The following DPYSL3 variants were observed in gnomAD, a reference collection of about 807,000 sequenced individuals.
DPYSL3 encodes dihydropyrimidinase-related protein 3.
A neutral mutation model predicts 66.1 loss-of-function variants in DPYSL3; 16 were observed. The ratio of observed to expected loss-of-function variants is 0.24; its 90% confidence interval spans 0.16 to 0.37. The LOEUF (loss-of-function observed/expected upper bound fraction) is 0.37, where lower values mean the gene tolerates loss of function less well. Among genes scored for constraint, DPYSL3 ranks in the 10% least tolerant of loss-of-function variants. DPYSL3 has a pLI of 1.00. For synonymous variants in DPYSL3, 338 were observed against 345.1 expected (o/e 0.98, Z 0.23); for missense variants, 738 against 916.2 (o/e 0.81, Z 2.51).
chr5:147,440,591 G>A (rs1299860184), intron 1 of DPYSL3, among the ~76,000 whole-genome samples: 2 of 152,156 alleles, frequency 1.3e-5, no homozygotes, highest in Admixed American at 1.3e-4. Context: ...ATGTGTAGCT[G>A]TTCATTTAGA....
intron 1 of DPYSL3, among the ~76,000 whole-genome samples, chr5:147,431,446 T>C (rs959905200): frequency 6.6e-6 from 1 of 152,126 alleles, no homozygotes; most frequent in African/African-American, 2.4e-5. Flanking sequence ...GGGACAATGA[T>C]ACCTTTTTCT....
intron 1 of DPYSL3, among the ~76,000 whole-genome samples, chr5:147,462,893 A>G (rs2062018110): frequency 1.3e-5 from 2 of 152,100 alleles, no homozygotes; most frequent in Admixed American, 6.5e-5. Flanking sequence ...ATTACACACT[A>G]TCTGAAAAAG....
chr5:147,498,288 A>C (rs1307370818), intron 1 of DPYSL3, among the ~76,000 whole-genome samples: 2 of 152,128 alleles, frequency 1.3e-5, no homozygotes, highest in African/African-American at 4.8e-5. Flanking sequence ...TTATGGCTGC[A>C]TAGTATTCCA....
chr5:147,488,653 C>T (rs1753371251), intron 1 of DPYSL3, among the ~76,000 whole-genome samples: 1 of 152,038 alleles, frequency 6.6e-6, no homozygotes, highest in Non-Finnish European at 1.5e-5. Context: ...GAAGTTGAGG[C>T]TGCAATGAGT....
rs767026872 is a variant in DPYSL3 at position 147,401,542 on chromosome 5, G to A, written c.1308C>T (p.Ala436=). 26 of 1,611,424 alleles carry A rather than the reference G, an allele frequency of 1.6e-5. No homozygotes were observed. Among genetic ancestry groups the A allele is most frequent in the African/African-American group, 8.0e-5 (6 of 74,834 alleles). Residue 436 remains alanine, a splice_region_variant and synonymous_variant, in exon 9 of 14, where the codon GCC becomes GCT. Transcript: ENST00000343218. ...CTGCTGGGCATTCCTGCACCAACCT[G>A]GCCAGCAAGGAGTTGATGTAGTCCG... ...TTPDYINSLL[A]SGDLQLSGSA... is the part of the protein sequence containing the mutation.
rs556545947 is a variant in DPYSL3 at position 147,399,259 on chromosome 5, A to C, written c.1453-7T>G. On this transcript the variant is annotated splice_polypyrimidine_tract_variant and splice_region_variant and intron_variant, in intron 10 of 13. Transcript: ENST00000343218. The stretch of plus-strand genomic sequence containing the variant: ...CGTCCATTTTCCCTGTGGCCTATTG[A>C]AATATAAGAAATTATATCTATATCT... The C allele has an allele frequency of 2.5e-5, 40 of 1,613,248 alleles. No individual in the cohort carries two copies. In the South Asian group the frequency reaches 3.7e-4, roughly 15 times the overall value.
At chr5:147,396,836 C>CAT (rs1234879627) in intron 12 of DPYSL3, among the ~76,000 whole-genome samples, 3 of 146,716 alleles carry the variant, frequency 2.0e-5, no homozygotes, top group Admixed American at 6.9e-5. Context: ...TATACAAACA[C>CAT]ATATATATAC....
chr5:147,508,114 G>GGGGA (rs768945938), intron 1 of DPYSL3, among the ~76,000 whole-genome samples: 2 of 152,166 alleles, frequency 1.3e-5, no homozygotes, highest in Non-Finnish European at 2.9e-5. Context: ...CAAGGGCTTA[G>GGGGA]GGGAATCACG....
intron 1 of DPYSL3, among the ~76,000 whole-genome samples, chr5:147,435,240 C>T (rs909623845): frequency 7.2e-5 from 11 of 152,144 alleles, no homozygotes; most frequent in African/African-American, 2.4e-4. Context: ...GTATGGCCAA[C>T]GGCAATTATG....
At position 147,509,586 on chromosome 5, in the gene DPYSL3, G is replaced by A. The variant is rs1040588945; in HGVS notation, c.273C>T (p.Gly91=). ...GCGCGGGCTCCCTGCTCTCTTCCCG[G>A]CCTTGGCCCCTGCGCGGGGTGTCCC... ...IEGDTPRRGQ[G]REESREPAPA... is the part of the protein sequence containing the mutation. The change falls in exon 1 of 14, where the codon GGC becomes GGT. Residue 91 remains glycine, a synonymous_variant. Transcript: ENST00000343218. This position sits in a 1 kb window ranked among gnomAD's most constrained non-coding sequence, Gnocchi z 5.3. The A allele has an allele frequency of 6.6e-5, 101 of 1,535,302 alleles. No individual in the cohort carries two copies. Among genetic ancestry groups the A allele is most frequent in the Non-Finnish European group, 8.6e-5 (99 of 1,146,652 alleles).
At chr5:147,480,443 C>A (rs1036414110) in intron 1 of DPYSL3, among the ~76,000 whole-genome samples, 1 of 152,088 alleles carries the variant, frequency 6.6e-6, no homozygotes, top group Non-Finnish European at 1.5e-5. Flanking sequence ...TGTGTATAAT[C>A]GACTCTCTGT....
chr5:147,464,894 C>T (rs1228142962), intron 1 of DPYSL3, among the ~76,000 whole-genome samples: 5 of 152,160 alleles, frequency 3.3e-5, no homozygotes, highest in African/African-American at 7.2e-5. Context: ...GCTCCCTGAA[C>T]GTACACAGAG....
intron 1 of DPYSL3, among the ~76,000 whole-genome samples, chr5:147,498,747 T>C (rs1753559206): frequency 6.6e-6 from 1 of 151,932 alleles, no homozygotes; most frequent in Non-Finnish European, 1.5e-5. Flanking sequence ...CTTTTGAAAG[T>C]GTAATAGACA....
chr5:147,505,901 G>A (rs552431808), intron 1 of DPYSL3, among the ~76,000 whole-genome samples: 427 of 152,256 alleles, frequency 2.8e-3, no homozygotes, highest in Non-Finnish European at 4.4e-3. Context: ...TTAAAATAAG[G>A]AAGCAGCCTC....
At chr5:147,479,929 A>G (rs185531800) in intron 1 of DPYSL3, among the ~76,000 whole-genome samples, 43 of 152,326 alleles carry the variant, frequency 2.8e-4, no homozygotes, top group African/African-American at 9.9e-4. Context: ...ATCTAATGAT[A>G]TAGGTATTAT....
chr5:147,499,978 G>T (rs1753578420), intron 1 of DPYSL3, among the ~76,000 whole-genome samples: 1 of 151,988 alleles, frequency 6.6e-6, no homozygotes, highest in Non-Finnish European at 1.5e-5. Flanking sequence ...AAAACAACTG[G>T]ACACCTATGT....
chr5:147,398,987 A>C, intron 11 of DPYSL3, 95 bp downstream of exon 11: 1 of 1,499,650 alleles, frequency 6.7e-7, no homozygotes. Flanking sequence ...GTCCTAGTCT[A>C]ACTACCCTGG....
rs748199099 is a variant in DPYSL3 at position 147,397,768 on chromosome 5, C to A, written c.1701G>T (p.Met567Ile). ...PLVVICQGKI[M>I]LEDGNLHVTQ... Reference sequence around the variant, plus strand: ...TCACGTGCAGGTTGCCATCTTCCAGCATGATCTTGCCCTGGCAGATGACAA... The same window carrying A: ...TCACGTGCAGGTTGCCATCTTCCAGAATGATCTTGCCCTGGCAGATGACAA... Residue 567 changes from methionine to isoleucine, a missense_variant, in exon 12 of 14, where the codon ATG (methionine) becomes ATT (isoleucine). Met to Ile is a conservative substitution (Grantham distance 10). Coordinates refer to ENST00000343218, the MANE Select transcript of DPYSL3 (RefSeq NM_001197294.2). 3.7e-6 allele frequency: 6 copies of A among 1,614,060 alleles called. No homozygotes were observed. Among genetic ancestry groups the A allele is most frequent in the Non-Finnish European group, 5.1e-6 (6 of 1,180,046 alleles).
At chr5:147,491,420 C>A (rs1054619581) in intron 1 of DPYSL3, among the ~76,000 whole-genome samples, 3 of 152,074 alleles carry the variant, frequency 2.0e-5, no homozygotes, top group Non-Finnish European at 2.9e-5. Flanking sequence ...GGCAGAAAAC[C>A]GAGTGTGAAG....
Sources: allele counts gnomAD v4.1 joint callset (sites outside exome capture counted in the v4.1 genomes callset), GRCh38; gene constraint gnomAD v4.1.1; non-coding constraint Gnocchi (gnomAD v3.1); transcripts MANE v1.5; gene names NCBI Gene and HGNC (gene_info 2026-07-23, HGNC 2026-07-21).